The following LAMA2 variants were observed in gnomAD, a reference collection of about 807,000 sequenced individuals.
LAMA2 encodes laminin subunit alpha 2, also known as laminin subunit alpha-2.
A neutral mutation model predicts 364.8 loss-of-function variants in LAMA2; 269 were observed. The ratio of observed to expected loss-of-function variants is 0.74; its 90% CI spans 0.67 to 0.82. The LOEUF is 0.82. LAMA2 is among the 40% of genes least tolerant of loss of function. The probability of loss-of-function intolerance (pLI) is 0.00; values close to 1 mark genes in which losing one functional copy is unlikely to be tolerated. For missense variants in LAMA2, 3,807 were observed against 3,873.2 expected, an observed-to-expected ratio of 0.98 and a Z score of 0.45; for synonymous variants, 1,379 against 1,370.6, an observed-to-expected ratio of 1.01 and a Z score of -0.14.
rs1426674838 is a variant in LAMA2 at position 129,050,037 on chromosome 6, G to A, written c.232G>A (p.Val78Met). 1.2e-6 allele frequency: 2 copies of A among 1,614,172 alleles called. No homozygotes were observed. Among genetic ancestry groups the A allele is most frequent in the Non-Finnish European group, 1.7e-6 (2 of 1,180,026 alleles). The change falls in exon 2 of 65, where the codon GTG (valine) becomes ATG (methionine). Residue 78 changes from valine to methionine, a missense_variant. Transcript: ENST00000421865. ...KLVEHVPGQP[V>M]RNPQCRICNQ... is the part of the protein sequence containing the mutation. ...GGTAGAACATGTCCCTGGGCAGCCTGTGAGGAACCCGCAGTGTCGAATCTG... is the reference window on the plus strand; with the variant it reads ...GGTAGAACATGTCCCTGGGCAGCCTATGAGGAACCCGCAGTGTCGAATCTG...
chr6:129,490,318 A>G lies in LAMA2; in HGVS notation c.7899-1583A>G, dbSNP rs538201750. 7.9e-5 allele frequency among the ~76,000 whole-genome samples: 12 copies of G among 152,330 alleles called. No individual in the cohort carries two copies. In the East Asian group the frequency reaches 2.1e-3, roughly 27 times the overall value. ...ATAACTTGCCCAAGGTCACACAGCT[A>G]GTAAGCTTCCACACTAGTACTTAAT... On this transcript the variant is annotated intron_variant, in intron 56 of 64. Coordinates refer to ENST00000421865, the MANE Select transcript of LAMA2 (RefSeq NM_000426.4).
chr6:129,300,426 G>A (rs1773478631), intron 21 of LAMA2, among the ~76,000 whole-genome samples: 1 of 151,806 alleles, frequency 6.6e-6, no homozygotes, highest in East Asian at 1.9e-4. Context: ...CCGAATATAA[G>A]GTGTTACAGT....
chr6:129,316,994 G>A (rs1774654571), intron 27 of LAMA2, among the ~76,000 whole-genome samples: 1 of 152,166 alleles, frequency 6.6e-6, no homozygotes, highest in Admixed American at 6.5e-5. Flanking sequence ...ATTTGAAAGA[G>A]TATGTTTACA....
chr6:129,260,345 C>G (rs1473483848), intron 14 of LAMA2, among the ~76,000 whole-genome samples: 1 of 152,066 alleles, frequency 6.6e-6, no homozygotes, highest in Non-Finnish European at 1.5e-5. Context: ...TGTTTAAGCA[C>G]TAAAAGAAAT....
At chr6:128,889,863 C>T (rs568536244) in intron 1 of LAMA2, among the ~76,000 whole-genome samples, 4 of 151,770 alleles carry the variant, frequency 2.6e-5, no homozygotes, top group Non-Finnish European at 4.4e-5. Flanking sequence ...AATATGGGAA[C>T]TTTATGCTAT....
chr6:128,930,895 A>G (rs1486760505), intron 1 of LAMA2, among the ~76,000 whole-genome samples: 1 of 152,220 alleles, frequency 6.6e-6, no homozygotes, highest in Non-Finnish European at 1.5e-5. Context: ...CCCTACGTGT[A>G]CACACACACT....
intron 12 of LAMA2, among the ~76,000 whole-genome samples, chr6:129,240,314 C>A (rs1205378537): frequency 6.6e-6 from 1 of 152,310 alleles, no homozygotes; most frequent in Admixed American, 6.5e-5. Flanking sequence ...CCCTCACAGA[C>A]ACACTCAGGT....
intron 12 of LAMA2, among the ~76,000 whole-genome samples, chr6:129,247,236 G>A (rs1158475439): frequency 6.6e-6 from 1 of 152,146 alleles, no homozygotes; most frequent in Non-Finnish European, 1.5e-5. Context: ...GATTGCTTGA[G>A]GTTAGGAGTT....
chr6:129,262,365 A>C (rs953782073), intron 15 of LAMA2, among the ~76,000 whole-genome samples: 5 of 152,132 alleles, frequency 3.3e-5, no homozygotes, highest in African/African-American at 1.2e-4. Flanking sequence ...CAGAACATAC[A>C]TGCAATAATC....
intron 12 of LAMA2, among the ~76,000 whole-genome samples, chr6:129,226,898 G>A (rs906012907): frequency 6.6e-6 from 1 of 152,122 alleles, no homozygotes; most frequent in Non-Finnish European, 1.5e-5. Context: ...GGTTGGGGAA[G>A]TTCTCCTGGA....
At chr6:129,416,471 A>C in intron 40 of LAMA2, among the ~76,000 whole-genome samples, 1 of 151,986 alleles carries the variant, frequency 6.6e-6, no homozygotes, top group Non-Finnish European at 1.5e-5. Flanking sequence ...TCTTGGTGGG[A>C]GTTATGTAAC....
chr6:129,200,391 TG>T (rs1188088877), intron 12 of LAMA2, among the ~76,000 whole-genome samples: 1 of 147,922 alleles, frequency 6.8e-6, no homozygotes, highest in Non-Finnish European at 1.5e-5. Context: ...CATATACATG[TG>T]TATATACATG....
intron 3 of LAMA2, among the ~76,000 whole-genome samples, chr6:129,084,084 A>C (rs1774231440): frequency 6.6e-6 from 1 of 152,224 alleles, no homozygotes. Flanking sequence ...CAAATGGATT[A>C]GTGAACAAGT....
chr6:129,238,941 T>C (rs1311428177), intron 12 of LAMA2, among the ~76,000 whole-genome samples: 1 of 152,100 alleles, frequency 6.6e-6, no homozygotes, highest in Non-Finnish European at 1.5e-5. Flanking sequence ...ACATACCAGA[T>C]GTTTTTGTTT....
intron 4 of LAMA2, among the ~76,000 whole-genome samples, chr6:129,117,966 A>G (rs1776573211): frequency 6.6e-6 from 1 of 152,168 alleles, no homozygotes; most frequent in Non-Finnish European, 1.5e-5. Context: ...TCATGTGGAT[A>G]CTACAGGATA....
chr6:129,317,322 C>T (rs1445814803), intron 27 of LAMA2, among the ~76,000 whole-genome samples: 1 of 152,012 alleles, frequency 6.6e-6, no homozygotes, highest in African/African-American at 2.4e-5. Context: ...ATTATTAGAC[C>T]TGCCTAGGAA....
intron 22 of LAMA2, among the ~76,000 whole-genome samples, chr6:129,302,352 TTTGAG>T (rs1385765994): frequency 6.6e-6 from 1 of 152,148 alleles, no homozygotes; most frequent in Non-Finnish European, 1.5e-5. Flanking sequence ...CCATTTCTAT[TTTGAG>T]TTGTTTGTTT....
Position 129,198,521 on chromosome 6 carries a change from A to G in LAMA2, c.1782+5668A>G, listed in dbSNP as rs957474590. Among the ~76,000 whole-genome samples, 3 of 152,214 alleles carry G rather than the reference A, an allele frequency of 2.0e-5. No individual in the cohort carries two copies. The East Asian group carries it at 5.8e-4, about 29-fold the overall frequency. The stretch of plus-strand genomic sequence containing the variant: ...GACAAAGATATGAATTTATAAAAAT[A>G]CAAATGAATGAGATGAATAACAAAT... On this transcript the variant is annotated intron_variant, in intron 12 of 64. Coordinates refer to ENST00000421865, the MANE Select transcript of LAMA2 (RefSeq NM_000426.4).
chr6:129,494,233 A>T lies in LAMA2; in HGVS notation c.8244+1750A>T, dbSNP rs187209895. On this transcript the variant is annotated intron_variant, in intron 58 of 64. Coordinates refer to ENST00000421865, the MANE Select transcript of LAMA2 (RefSeq NM_000426.4). Reference sequence around the variant, plus strand: ...GAGTGCAGATCTTGAAAACTCTTGAATATCTCATTCTCTTCCTTAGTGTCC... The same window carrying T: ...GAGTGCAGATCTTGAAAACTCTTGATTATCTCATTCTCTTCCTTAGTGTCC... 6.6e-5 allele frequency among the ~76,000 whole-genome samples: 10 copies of T among 152,358 alleles called. No individual in the cohort carries two copies. In the East Asian group the frequency reaches 1.7e-3, roughly 26 times the overall value.
Sources: allele counts gnomAD v4.1 joint callset (sites outside exome capture counted in the v4.1 genomes callset), GRCh38; gene constraint gnomAD v4.1.1; transcripts MANE v1.5; gene names NCBI Gene and HGNC (gene_info 2026-07-23, HGNC 2026-07-21).